The following ACER2 variants were observed in gnomAD, a reference collection of about 807,000 sequenced individuals.
ACER2 encodes the protein alkCDase 2.
In ACER2, 26 loss-of-function variants were observed where a neutral mutation model predicts 34.7. The observed-to-expected ratio is 0.75, with a 90% CI of 0.55 to 1.04. The LOEUF (loss-of-function observed/expected upper bound fraction) is 1.04, where lower values mean the gene tolerates loss of function less well. ACER2 is among the 50% of genes least tolerant of loss of function. The probability of loss-of-function intolerance (pLI) is 0.00; values close to 1 mark genes in which losing one functional copy is unlikely to be tolerated. For missense variants in ACER2, 352 were observed against 340.8 expected (o/e 1.03, Z -0.26); for synonymous variants, 138 against 132.1 (o/e 1.04, Z -0.31).
At chr9:19,414,845 CAAA>C (rs34308694) in intron 1 of ACER2, among the ~76,000 whole-genome samples, 3 of 111,876 alleles carry the variant, frequency 2.7e-5, no homozygotes, top group African/African-American at 6.3e-5. Flanking sequence ...GACTCCGCCT[CAAA>C]AAAAAAAAAA....
chr9:19,419,243 C>T (rs1830330008), intron 1 of ACER2, among the ~76,000 whole-genome samples: 1 of 152,174 alleles, frequency 6.6e-6, no homozygotes, highest in East Asian at 1.9e-4. Context: ...TACTTAGATC[C>T]TTGTCCTGAT....
At chr9:19,409,515 G>T in intron 1 of ACER2, among the ~76,000 whole-genome samples, 1 of 152,012 alleles carries the variant, frequency 6.6e-6, no homozygotes, top group Admixed American at 6.6e-5. Flanking sequence ...GGTCAGCTGG[G>T]GGCGGTGAAC....
intron 4 of ACER2, among the ~76,000 whole-genome samples, chr9:19,438,713 T>C (rs1359890566): frequency 6.6e-6 from 1 of 152,224 alleles, no homozygotes; most frequent in East Asian, 1.9e-4. Context: ...TCATTGTAAC[T>C]CTTGAGTGTA....
At chr9:19,420,149 C>T (rs757939662) in intron 1 of ACER2, among the ~76,000 whole-genome samples, 2 of 152,220 alleles carry the variant, frequency 1.3e-5, no homozygotes, top group African/African-American at 2.4e-5. Context: ...CTGCTCACTT[C>T]AGTTCTGTTC....
chr9:19,438,537 A>G, intron 4 of ACER2, among the ~76,000 whole-genome samples: 1 of 152,230 alleles, frequency 6.6e-6, no homozygotes. Flanking sequence ...ATGTTAACAC[A>G]TCTTAAAGCT....
At chr9:19,420,478 C>T (rs772298925) in intron 1 of ACER2, among the ~76,000 whole-genome samples, 3 of 152,138 alleles carry the variant, frequency 2.0e-5, no homozygotes, top group Non-Finnish European at 1.5e-5. Context: ...AATGTTCCTA[C>T]CGCTTCATAT....
intron 1 of ACER2, among the ~76,000 whole-genome samples, chr9:19,422,951 G>A (rs886461538): frequency 3.3e-5 from 5 of 150,638 alleles, no homozygotes; most frequent in Non-Finnish European, 7.4e-5. Context: ...AGAATCGCTT[G>A]AACCTGGGAG....
At chr9:19,440,781 C>CA (rs1359433473) in intron 4 of ACER2, among the ~76,000 whole-genome samples, 1 of 152,142 alleles carries the variant, frequency 6.6e-6, no homozygotes, top group East Asian at 1.9e-4. Flanking sequence ...CCTAAACTTA[C>CA]GTCTCCAACC....
intron 3 of ACER2, among the ~76,000 whole-genome samples, chr9:19,428,037 CCTTT>C (rs1358784837): frequency 6.1e-4 from 79 of 129,770 alleles, no homozygotes; most frequent in Non-Finnish European, 8.8e-4. Flanking sequence ...CCTTTCCTTT[CCTTT>C]CCTTTCCTTT....
At chr9:19,443,389 A>G (rs1831223932) in intron 4 of ACER2, among the ~76,000 whole-genome samples, 1 of 152,178 alleles carries the variant, frequency 6.6e-6, no homozygotes, top group African/African-American at 2.4e-5. Flanking sequence ...GATGGTCTTG[A>G]TCTCCTGACC....
chr9:19,447,216 T>C (rs1405081265), intron 5 of ACER2, among the ~76,000 whole-genome samples: 1 of 152,276 alleles, frequency 6.6e-6, no homozygotes, highest in East Asian at 1.9e-4. Context: ...TTATCCCCTA[T>C]AGGTAGGAGG....
At chr9:19,411,409 G>A (rs138914858) in intron 1 of ACER2, among the ~76,000 whole-genome samples, 1 of 152,078 alleles carries the variant, frequency 6.6e-6, no homozygotes, top group African/African-American at 2.4e-5. Flanking sequence ...TTTTTTTTGA[G>A]ATGATCATGC....
chr9:19,415,566 T>C (rs1830218476), intron 1 of ACER2, among the ~76,000 whole-genome samples: 1 of 152,016 alleles, frequency 6.6e-6, no homozygotes, highest in Non-Finnish European at 1.5e-5. Flanking sequence ...GTTTTACATA[T>C]CATAATTTTG....
In ACER2 at chr9:19,434,892, C is replaced by A; in HGVS notation, c.366-55C>A. ...CTGTACCTTGCTAACATTAAACAAACAAACAAACAAGAACTCCTTTTCTAA... is the reference window on the plus strand; with the variant it reads ...CTGTACCTTGCTAACATTAAACAAAAAAACAAACAAGAACTCCTTTTCTAA... On this transcript the variant is annotated intron_variant, in intron 3 of 5. Coordinates refer to ENST00000340967, the MANE Select transcript of ACER2 (RefSeq NM_001010887.3). 4 of 1,602,726 alleles carry A rather than the reference C, an allele frequency of 2.5e-6. No individual in the cohort carries two copies. In the South Asian group the frequency reaches 3.3e-5, roughly 13 times the overall value.
At chr9:19,449,337 C>G (rs1287693163) in intron 5 of ACER2, among the ~76,000 whole-genome samples, 1 of 152,202 alleles carries the variant, frequency 6.6e-6, no homozygotes, top group Non-Finnish European at 1.5e-5. Context: ...ACCATTCTCA[C>G]CTACTTCCCA....
intron 1 of ACER2, among the ~76,000 whole-genome samples, chr9:19,416,440 T>C (rs539177305): frequency 6.6e-6 from 1 of 152,338 alleles, no homozygotes; most frequent in African/African-American, 2.4e-5. Flanking sequence ...AGATTGGCTC[T>C]CTGACTTGAG....
intron 4 of ACER2, among the ~76,000 whole-genome samples, chr9:19,441,352 G>A (rs1831152706): frequency 6.6e-6 from 1 of 152,058 alleles, no homozygotes; most frequent in Admixed American, 6.5e-5. Flanking sequence ...CCAGCCCTGA[G>A]CACAGTCATT....
chr9:19,430,118 C>T (rs566849020), intron 3 of ACER2, among the ~76,000 whole-genome samples: 1 of 143,812 alleles, frequency 7.0e-6, no homozygotes, highest in African/African-American at 2.5e-5. Flanking sequence ...AAGCCTATAC[C>T]CTGTGTCCCT....
intron 1 of ACER2, 134 bp downstream of exon 1, chr9:19,409,326 C>A: frequency 1.3e-6 from 1 of 778,510 alleles, no homozygotes; most frequent in Non-Finnish European, 2.1e-6. Flanking sequence ...AGTCAGTCCA[C>A]ACCCCCTCCT....
Sources: allele counts gnomAD v4.1 joint callset (sites outside exome capture counted in the v4.1 genomes callset), GRCh38; gene constraint gnomAD v4.1.1; transcripts MANE v1.5; gene names NCBI Gene and HGNC (gene_info 2026-07-23, HGNC 2026-07-21).